Variants in PTPRD observed in about 807,000 individuals in gnomAD.
PTPRD encodes the protein receptor-type tyrosine-protein phosphatase delta.
Under a neutral mutation model 214.5 loss-of-function variants are expected in PTPRD, and 34 were observed. The ratio of observed to expected loss-of-function variants is 0.16; its 90% CI spans 0.12 to 0.21. The LOEUF is 0.21. Among genes scored for constraint, PTPRD ranks in the 10% least tolerant of loss-of-function variants. The pLI, the probability that PTPRD is intolerant of heterozygous loss-of-function variation, is 1.00. For missense variants in PTPRD, 2,545 were observed against 2,398.7 expected, an observed-to-expected ratio of 1.06 and a Z score of -1.27; for synonymous variants, 1,128 against 845.7, an observed-to-expected ratio of 1.33 and a Z score of -5.79.
At chr9:9,414,945 G>C (rs2076560934) in intron 8 of PTPRD, 1 of 152,180 alleles carries the variant, frequency 6.6e-6, no homozygotes, top group African/African-American at 2.4e-5. Context: ...ACAGGGCTCT[G>C]ACTTTAGAAG....
At chr9:9,207,725 T>A (rs953313543) in intron 9 of PTPRD, among the ~76,000 whole-genome samples, 5 of 152,126 alleles carry the variant, frequency 3.3e-5, no homozygotes, top group Admixed American at 2.0e-4. Context: ...AACAATATGC[T>A]CGCAAAAATA....
intron 10 of PTPRD, among the ~76,000 whole-genome samples, chr9:9,120,609 G>C (rs1431861150): frequency 6.6e-6 from 1 of 152,182 alleles, no homozygotes; most frequent in Non-Finnish European, 1.5e-5. Flanking sequence ...CTGCGTAAGT[G>C]GTTCTCAATC....
chr9:9,855,848 C>T (rs1414706546), intron 5 of PTPRD, among the ~76,000 whole-genome samples: 2 of 152,170 alleles, frequency 1.3e-5, no homozygotes, highest in South Asian at 2.1e-4. Context: ...CTCTGCAGTC[C>T]ATGGACGGCT....
chr9:9,150,728 C>A (rs1329701464), intron 10 of PTPRD, among the ~76,000 whole-genome samples: 4 of 152,080 alleles, frequency 2.6e-5, no homozygotes, highest in Non-Finnish European at 4.4e-5. Flanking sequence ...CCTGCCTCAG[C>A]CTCCCAAAGG....
At chr9:10,230,939 A>G (rs1008313140) in intron 3 of PTPRD, among the ~76,000 whole-genome samples, 2 of 151,972 alleles carry the variant, frequency 1.3e-5, no homozygotes, top group Non-Finnish European at 2.9e-5. Flanking sequence ...GTACATTGGT[A>G]GATTATTGAG....
chr9:8,618,906 G>GTTTTTTTTTTTTTTT (rs1270022921), intron 14 of PTPRD, among the ~76,000 whole-genome samples: 1 of 96,776 alleles, frequency 1.0e-5, no homozygotes, highest in African/African-American at 3.9e-5. Flanking sequence ...GTTTGTCTGT[G>GTTTTTTTTTTTTTTT]TTTTTTTGTT....
At chr9:9,726,789 G>A (rs1040000682) in intron 7 of PTPRD, among the ~76,000 whole-genome samples, 3 of 152,252 alleles carry the variant, frequency 2.0e-5, no homozygotes, top group African/African-American at 7.2e-5. Context: ...CAGGCAAAGT[G>A]GAAATATTCT....
At chr9:9,425,198 T>A (rs4742600) in intron 8 of PTPRD, among the ~76,000 whole-genome samples, 121,668 of 151,094 alleles carry the variant, frequency 0.81, 49,100 homozygotes, top group Non-Finnish European at 0.81. Context: ...CATTTTATTG[T>A]GGTGATGCTT....
At chr9:10,396,243 C>G (rs2098167992) in intron 2 of PTPRD, among the ~76,000 whole-genome samples, 1 of 151,966 alleles carries the variant, frequency 6.6e-6, no homozygotes, top group Admixed American at 6.6e-5. Flanking sequence ...ACCCTCTAGA[C>G]TTTATCTCAG....
chr9:9,696,978 G>T (rs117192945), intron 7 of PTPRD, among the ~76,000 whole-genome samples: 1 of 151,826 alleles, frequency 6.6e-6, no homozygotes, highest in Non-Finnish European at 1.5e-5. Context: ...TCTTCTGTGA[G>T]GCTTACAAAA....
intron 2 of PTPRD, among the ~76,000 whole-genome samples, chr9:10,575,549 A>G (rs1468482387): frequency 6.6e-6 from 1 of 152,126 alleles, no homozygotes; most frequent in Non-Finnish European, 1.5e-5. Context: ...CTTCTTTTAA[A>G]TCAGTCTTGT....
chr9:8,636,109 A>G (rs2096424120), intron 13 of PTPRD, among the ~76,000 whole-genome samples: 1 of 152,208 alleles, frequency 6.6e-6, no homozygotes, highest in Admixed American at 6.5e-5. Flanking sequence ...CTTGTAAAAC[A>G]CAGGTGCGAG....
chr9:9,532,997 A>G (rs2075809432), intron 8 of PTPRD, among the ~76,000 whole-genome samples: 1 of 152,210 alleles, frequency 6.6e-6, no homozygotes, highest in African/African-American at 2.4e-5. Flanking sequence ...CAGTGAAGAC[A>G]GTGCAGAAGA....
chr9:9,038,990 G>C (rs1248441170), intron 10 of PTPRD, among the ~76,000 whole-genome samples: 1 of 152,002 alleles, frequency 6.6e-6, no homozygotes, highest in African/African-American at 2.4e-5. Context: ...AATAGCATAG[G>C]GTGGTGGTGA....
At chr9:10,160,935 T>C (rs1457647431) in intron 3 of PTPRD, among the ~76,000 whole-genome samples, 2 of 151,722 alleles carry the variant, frequency 1.3e-5, no homozygotes, top group East Asian at 1.9e-4. Context: ...GTTAACAATA[T>C]GAAATAGAAA....
chr9:9,230,981 C>T (rs1226376614), intron 9 of PTPRD, among the ~76,000 whole-genome samples: 4 of 151,980 alleles, frequency 2.6e-5, no homozygotes, highest in African/African-American at 7.2e-5. Flanking sequence ...CAATCTCACA[C>T]TTGCTTAATC....
At chr9:8,447,511 T>C (rs2095780130) in intron 34 of PTPRD, among the ~76,000 whole-genome samples, 1 of 152,208 alleles carries the variant, frequency 6.6e-6, no homozygotes, top group Non-Finnish European at 1.5e-5. Flanking sequence ...TTTGGCCATA[T>C]TTGCAAAATT....
chr9:9,042,299 G>A (rs755699498), intron 10 of PTPRD, among the ~76,000 whole-genome samples: 7 of 152,176 alleles, frequency 4.6e-5, no homozygotes, highest in Non-Finnish European at 1.0e-4. Flanking sequence ...GAGGGGAAAT[G>A]TGGATGGGTT....
In PTPRD at chr9:9,724,398, T is replaced by C. The variant is rs576798520; in HGVS notation, c.-287+10135A>G. On this transcript the variant is annotated intron_variant, in intron 7 of 45. Coordinates refer to ENST00000381196, the MANE Select transcript of PTPRD (RefSeq NM_002839.4). ...TAAACATAGTGTTCAAGTTGTGTGC[T>C]TAATAGGCCTTTGCCAGAGTTACGT... 7.0e-4 allele frequency among the ~76,000 whole-genome samples: 107 copies of C among 152,296 alleles called. No homozygotes were observed. In the South Asian group the frequency reaches 9.9e-3, roughly 14 times the overall value.
Sources: allele counts gnomAD v4.1 joint callset (sites outside exome capture counted in the v4.1 genomes callset), GRCh38; gene constraint gnomAD v4.1.1; transcripts MANE v1.5; gene names NCBI Gene and HGNC (gene_info 2026-07-23, HGNC 2026-07-21).